Variants in MGAT4A observed in about 807,000 individuals in gnomAD.
The protein encoded by MGAT4A is alpha-1,3-mannosyl-glycoprotein 4-beta-N-acetylglucosaminyltransferase A, also known as N-acetylglucosaminyltransferase IVa.
MGAT4A carries 33 observed loss-of-function variants against 74.1 expected under a neutral mutation model. The ratio of observed to expected loss-of-function variants is 0.45; its 90% CI spans 0.34 to 0.60. The LOEUF (loss-of-function observed/expected upper bound fraction) is 0.60, where lower values mean the gene tolerates loss of function less well. Ranked by LOEUF, MGAT4A falls within the 20% of genes least tolerant of loss-of-function variation. MGAT4A has a pLI of 0.02. For synonymous variants in MGAT4A, 198 were observed against 210.4 expected (o/e 0.94, Z 0.51); for missense variants, 479 against 628.3 (o/e 0.76, Z 2.54).
chr2:98,627,481 TCCTC>T (rs758944888), intron 14 of MGAT4A, among the ~76,000 whole-genome samples: 6 of 152,088 alleles, frequency 3.9e-5, no homozygotes, highest in Non-Finnish European at 8.8e-5. Flanking sequence ...GTTCAAATGA[TCCTC>T]CCACCTCAGC....
chr2:98,673,612 T>C (rs887281875), intron 4 of MGAT4A, among the ~76,000 whole-genome samples: 14 of 152,180 alleles, frequency 9.2e-5, no homozygotes, highest in Non-Finnish European at 1.3e-4. Flanking sequence ...TTATTATATT[T>C]ATAATGGATA....
intron 4 of MGAT4A, among the ~76,000 whole-genome samples, chr2:98,664,925 T>C (rs1701802323): frequency 6.6e-6 from 1 of 152,200 alleles, no homozygotes; most frequent in Non-Finnish European, 1.5e-5. Flanking sequence ...CTTAAAGTCT[T>C]AGTACGCTAT....
At chr2:98,655,617 C>T in intron 7 of MGAT4A, 97 bp from the exon 8 acceptor site, 1 of 766,512 alleles carries the variant, frequency 1.3e-6, no homozygotes, top group Non-Finnish European at 2.2e-6. Flanking sequence ...CATAACATGT[C>T]ATCTATGTAT....
At chr2:98,728,937 TGAGA>T (rs930331835) in intron 1 of MGAT4A, among the ~76,000 whole-genome samples, 5 of 152,088 alleles carry the variant, frequency 3.3e-5, no homozygotes, top group South Asian at 2.1e-4. Context: ...CTATTTTACT[TGAGA>T]AAGAATTTTG....
Position 98,641,499 on chromosome 2 carries a change from C to CAAA in MGAT4A, c.1021-1274_1021-1272dup, listed in dbSNP as rs1205460540. Among the ~76,000 whole-genome samples, 73 of 75,258 alleles carry CAAA rather than the reference C, an allele frequency of 9.7e-4. 1 individual carries two copies. The highest frequency in any genetic ancestry group is 2.2e-3 in the African/African-American group (44 of 20,126). The allele number at this position is 75,258 out of a possible 152,430, so 49.4% of individuals were successfully genotyped here. A position where few individuals can be genotyped will look rare whatever the true frequency, so the allele number is the denominator to read the frequency against. On this transcript the variant is annotated intron_variant, in intron 10 of 15. Coordinates refer to ENST00000393487, the MANE Select transcript of MGAT4A (RefSeq NM_012214.3). Reference sequence around the variant, plus strand: ...TGAAACCCCATCTCTACTAAAAATACAAAAAAAAAAAAAAAAAAAAAAATT... The same window carrying CAAA: ...TGAAACCCCATCTCTACTAAAAATACAAAAAAAAAAAAAAAAAAAAAAAAAATT...
At chr2:98,699,267 CA>C (rs1190387889) in intron 2 of MGAT4A, among the ~76,000 whole-genome samples, 1 of 152,148 alleles carries the variant, frequency 6.6e-6, no homozygotes, top group Admixed American at 6.5e-5. Flanking sequence ...TAGTACATAC[CA>C]AAATTTCAGA....
chr2:98,697,373 T>C (rs1325918126), intron 2 of MGAT4A, among the ~76,000 whole-genome samples: 1 of 152,216 alleles, frequency 6.6e-6, no homozygotes. Context: ...ATAGACTAGG[T>C]TCCCAGGGGT....
At chr2:98,656,825 A>G (rs1257507678) in intron 6 of MGAT4A, among the ~76,000 whole-genome samples, 3 of 152,210 alleles carry the variant, frequency 2.0e-5, no homozygotes, top group African/African-American at 7.2e-5. Context: ...AGAAAAACAA[A>G]TAAGTATGTA....
At chr2:98,721,994 G>A (rs1389932064) in intron 2 of MGAT4A, among the ~76,000 whole-genome samples, 1 of 152,136 alleles carries the variant, frequency 6.6e-6, no homozygotes, top group Non-Finnish European at 1.5e-5. Flanking sequence ...ATTATATGTT[G>A]TTTACAGGAG....
intron 12 of MGAT4A, among the ~76,000 whole-genome samples, chr2:98,637,403 G>A (rs1368272593): frequency 6.6e-6 from 1 of 151,892 alleles, no homozygotes; most frequent in Admixed American, 6.6e-5. Context: ...TTTAATATTA[G>A]TAGACTAAAA....
chr2:98,693,998 C>A, intron 2 of MGAT4A: 2 of 153,112 alleles, frequency 1.3e-5, no homozygotes, highest in South Asian at 3.6e-4. Context: ...TAACAATAAT[C>A]ACATTAAATG....
At chr2:98,669,389 T>G (rs1701880657) in intron 4 of MGAT4A, among the ~76,000 whole-genome samples, 1 of 152,200 alleles carries the variant, frequency 6.6e-6, no homozygotes, top group South Asian at 2.1e-4. Flanking sequence ...AAGATGTGAC[T>G]TGCTCCTCCT....
chr2:98,682,106 G>A (rs55939630), intron 2 of MGAT4A, among the ~76,000 whole-genome samples: 36,025 of 152,058 alleles, frequency 0.24, 5,057 homozygotes, highest in Non-Finnish European at 0.32. Context: ...ACTAAATGTA[G>A]AAGAAATAAT....
In MGAT4A at chr2:98,620,405, A is replaced by C. The variant is rs1398513018; in HGVS notation, c.*5161T>G. ...AAACACTAAGGTATGGTTATGACTC[A>C]CATTTCTCATCTTCTGACAGTCTTA... On this transcript the variant is annotated 3_prime_UTR_variant, in exon 16 of 16. Transcript: ENST00000393487. The C allele has an allele frequency of 6.6e-6, 1 of 152,236 alleles. No homozygotes were observed. Among genetic ancestry groups the C allele is most frequent in the Admixed American group, 6.5e-5 (1 of 15,274 alleles). 9.4% of individuals were successfully genotyped at this position (152,236 alleles called of 1,614,324 possible). A position where few individuals can be genotyped will look rare whatever the true frequency, so the allele number is the denominator to read the frequency against.
At position 98,642,224 on chromosome 2, in the gene MGAT4A, G is replaced by A. The variant is rs376448311; in HGVS notation, c.1020+1699C>T. Among the ~76,000 whole-genome samples the A allele has an allele frequency of 6.6e-5, 10 of 152,150 alleles. No individual in the cohort carries two copies. In the East Asian group the frequency reaches 7.7e-4, roughly 12 times the overall value. On this transcript the variant is annotated intron_variant, in intron 10 of 15. Transcript: ENST00000393487. ...CAAGAGAGAGAGAAGACTGGGGAGC[G>A]CAAGGTTGAGGAGAGAGCAAAACCA... is the stretch of plus-strand genomic sequence containing the variant.
chr2:98,656,014 A>G (rs1444529226), intron 7 of MGAT4A: 4 of 233,484 alleles, frequency 1.7e-5, no homozygotes, highest in Non-Finnish European at 3.3e-5. Flanking sequence ...CGCAGATCAA[A>G]GTTCACAAAT....
chr2:98,649,425 C>A (rs191992994), intron 8 of MGAT4A, among the ~76,000 whole-genome samples: 7 of 152,120 alleles, frequency 4.6e-5, no homozygotes, highest in Non-Finnish European at 7.3e-5. Flanking sequence ...ACTCAATTCC[C>A]GACTTCTCCC....
Position 98,726,386 on chromosome 2 carries a change from G to T in MGAT4A, c.-54C>A. On this transcript the variant is annotated 5_prime_UTR_variant, in exon 2 of 16. Coordinates refer to ENST00000393487, the MANE Select transcript of MGAT4A (RefSeq NM_012214.3). ...GTTTATGATGACAACAACCAGGACT[G>T]TTTTCTTTTTACCCTGAAAGTCAAC... 1 of 1,499,126 alleles carries T rather than the reference G, an allele frequency of 6.7e-7. No homozygotes were observed. The highest frequency in any genetic ancestry group is 9.2e-7 in the Non-Finnish European group (1 of 1,085,130). The allele number at this position is 1,499,126 out of a possible 1,614,324, so 92.9% of individuals were successfully genotyped here. A position where few individuals can be genotyped will look rare whatever the true frequency, so the allele number is the denominator to read the frequency against.
chr2:98,689,640 T>C (rs1183411081), intron 2 of MGAT4A, among the ~76,000 whole-genome samples: 1 of 152,098 alleles, frequency 6.6e-6, no homozygotes, highest in East Asian at 1.9e-4. Flanking sequence ...CTCGGCACCA[T>C]GGGGAAACCC....
Sources: gnomAD v4.1 joint callset for allele counts (sites outside exome capture counted in the v4.1 genomes callset) on GRCh38, gnomAD v4.1.1 for gene constraint, MANE v1.5 for transcripts, NCBI Gene and HGNC (gene_info 2026-07-23, HGNC 2026-07-21) for gene names.